CLEC16A: variants seen among roughly 807,000 people sequenced by gnomAD.
CLEC16A encodes the protein protein CLEC16A.
Under a neutral mutation model 109.5 loss-of-function variants are expected in CLEC16A, and 51 were observed. The ratio of observed to expected loss-of-function variants is 0.47; its 90% confidence interval spans 0.37 to 0.59. The LOEUF (loss-of-function observed/expected upper bound fraction) is 0.59. Among genes scored for constraint, CLEC16A ranks in the 20% least tolerant of loss-of-function variants. CLEC16A has a pLI of 0.00. For missense variants in CLEC16A, 1,339 were observed against 1,394.0 expected (o/e 0.96, Z 0.63); for synonymous variants, 673 against 564.2 (o/e 1.19, Z -2.73).
At chr16:10,964,543 CA>C (rs1360825942) in intron 3 of CLEC16A, among the ~76,000 whole-genome samples, 10 of 152,164 alleles carry the variant, frequency 6.6e-5, no homozygotes, top group African/African-American at 2.2e-4. Context: ...AGCAGGTGTT[CA>C]GAGCGAGGCA....
intron 3 of CLEC16A, among the ~76,000 whole-genome samples, chr16:10,963,398 G>A (rs988237486): frequency 1.3e-5 from 2 of 152,218 alleles, no homozygotes; most frequent in African/African-American, 4.8e-5. Flanking sequence ...TTGTTTCTGT[G>A]TGGTGGGTAC....
At chr16:11,097,467 A>G (rs972977426) in intron 19 of CLEC16A, among the ~76,000 whole-genome samples, 1 of 152,196 alleles carries the variant, frequency 6.6e-6, no homozygotes, top group African/African-American at 2.4e-5. Flanking sequence ...AAATATTTTT[A>G]AAAAGCTTAG....
chr16:11,024,769 G>A, intron 12 of CLEC16A, 52 bp from the exon 13 acceptor site: 1 of 1,381,294 alleles, frequency 7.2e-7, no homozygotes, highest in Non-Finnish European at 1.0e-6. Context: ...GAGAGGGGAG[G>A]TGTTCACCCT....
At chr16:11,016,168 C>A (rs971665961) in intron 11 of CLEC16A, among the ~76,000 whole-genome samples, 2 of 146,744 alleles carry the variant, frequency 1.4e-5, no homozygotes, top group Non-Finnish European at 3.0e-5. Flanking sequence ...AAAAGACCTA[C>A]TGCCTAGGGA....
In CLEC16A at chr16:11,098,331, C is replaced by T. The variant is rs576294690; in HGVS notation, c.2117-22284C>T. Reference sequence around the variant, plus strand: ...TGTACTGAGAATGCGTGCCTGTGCACGCCGAGGATGCAGAAAGGGACAGGG... The same window carrying T: ...TGTACTGAGAATGCGTGCCTGTGCATGCCGAGGATGCAGAAAGGGACAGGG... On this transcript the variant is annotated intron_variant, in intron 19 of 23. Transcript: ENST00000409790. Among the ~76,000 whole-genome samples the T allele has an allele frequency of 6.6e-5, 10 of 152,348 alleles. No individual in the cohort carries two copies. The East Asian group carries it at 1.5e-3, about 23-fold the overall frequency.
At chr16:11,169,909 C>A (rs1408595583) in intron 23 of CLEC16A, among the ~76,000 whole-genome samples, 2 of 152,142 alleles carry the variant, frequency 1.3e-5, no homozygotes, top group Non-Finnish European at 2.9e-5. Context: ...TGCTTATAGG[C>A]ACTTCACAGA....
rs890109932 is a variant in CLEC16A, at chr16:10,961,003, A to G, written c.210-1452A>G. Among the ~76,000 whole-genome samples the G allele has an allele frequency of 8.6e-5, 13 of 151,962 alleles. No individual in the cohort carries two copies. The highest frequency in any genetic ancestry group is 5.9e-4 in the Admixed American group (9 of 15,260). The stretch of plus-strand genomic sequence containing the variant: ...TTCCCAATGAATTGCCCACTCCCCT[A>G]TGGAGTTTTAAAAAATCTAGGTTCA... On this transcript the variant is annotated intron_variant, in intron 2 of 23. Coordinates refer to ENST00000409790, the MANE Select transcript of CLEC16A (RefSeq NM_015226.3). This position sits in a 1 kb window ranked among gnomAD's most constrained non-coding sequence, Gnocchi z 4.3.
intron 11 of CLEC16A, 86 bp from the exon 12 acceptor site, chr16:11,020,107 A>G (rs977936610): frequency 1.6e-5 from 23 of 1,455,274 alleles, no homozygotes; most frequent in African/African-American, 4.2e-5. Context: ...TCATTTATGC[A>G]TATTTATTCT....
At chr16:10,955,464 G>A (rs1163901429) in intron 1 of CLEC16A, among the ~76,000 whole-genome samples, 1 of 152,140 alleles carries the variant, frequency 6.6e-6, no homozygotes, top group Non-Finnish European at 1.5e-5. Context: ...AGGTGCCAGT[G>A]AGGAGGGAAC....
chr16:10,962,692 T>C lies in CLEC16A; in HGVS notation c.343+104T>C, dbSNP rs2042307699. ...GCGCTTACTATTCGTCGGCTCAGGCTATCCTAACAAAATACCATAGACTGA... is the reference window on the plus strand; with the variant it reads ...GCGCTTACTATTCGTCGGCTCAGGCCATCCTAACAAAATACCATAGACTGA... On this transcript the variant is annotated intron_variant, in intron 3 of 23. Coordinates refer to ENST00000409790, the MANE Select transcript of CLEC16A (RefSeq NM_015226.3). 12 of 1,250,154 alleles carry C rather than the reference T, an allele frequency of 9.6e-6. No homozygotes were observed. The East Asian group carries it at 2.8e-4, about 29-fold the overall frequency. 77.4% of individuals were successfully genotyped at this position (1,250,154 alleles called of 1,614,324 possible). A position where few individuals can be genotyped will look rare whatever the true frequency, so the allele number is the denominator to read the frequency against.
chr16:11,097,825 C>T (rs2050692294), intron 19 of CLEC16A, among the ~76,000 whole-genome samples: 2 of 152,212 alleles, frequency 1.3e-5, no homozygotes, highest in Non-Finnish European at 2.9e-5. Flanking sequence ...CTGTGAGTTC[C>T]TTGCATTATA....
intron 19 of CLEC16A, among the ~76,000 whole-genome samples, chr16:11,100,886 TC>T (rs2050875818): frequency 6.6e-6 from 1 of 152,230 alleles, no homozygotes; most frequent in Non-Finnish European, 1.5e-5. Context: ...AATATACCTT[TC>T]CATTGTGCTG....
At chr16:10,963,185 A>G (rs1393041461) in intron 3 of CLEC16A, among the ~76,000 whole-genome samples, 1 of 152,038 alleles carries the variant, frequency 6.6e-6, no homozygotes, top group African/African-American at 2.4e-5. Context: ...GTGTGAGTGG[A>G]GAGAAATTGA....
rs1038459870 is a variant in CLEC16A, at chr16:10,944,823, G to T, written c.80+26G>T. 7 of 1,578,438 alleles carry T rather than the reference G, an allele frequency of 4.4e-6. No homozygotes were observed. The Admixed American group carries it at 5.3e-5, about 12-fold the overall frequency. ...GTGAGTGTGGGGGGCGTAGCGGGAG[G>T]CCTCGGGGCTGGACAGGGGGACGGG... is the stretch of plus-strand genomic sequence containing the variant. On this transcript the variant is annotated intron_variant, in intron 1 of 23. Coordinates refer to ENST00000409790, the MANE Select transcript of CLEC16A (RefSeq NM_015226.3).
chr16:11,010,821 ATC>A (rs958818228), intron 11 of CLEC16A, among the ~76,000 whole-genome samples: 1 of 152,058 alleles, frequency 6.6e-6, no homozygotes, highest in Admixed American at 6.6e-5. Flanking sequence ...CATTTCCACG[ATC>A]TCTTTCTCTT....
chr16:11,138,149 A>C (rs1329627991), intron 22 of CLEC16A, among the ~76,000 whole-genome samples: 1 of 152,190 alleles, frequency 6.6e-6, no homozygotes, highest in African/African-American at 2.4e-5. Flanking sequence ...GACGAGGGTC[A>C]GGAAAAGGAA....
At chr16:11,128,114 C>T (rs78644169) in intron 22 of CLEC16A, among the ~76,000 whole-genome samples, 3,542 of 152,214 alleles carry the variant, frequency 0.023, 90 homozygotes, top group Middle Eastern at 0.16. Flanking sequence ...GTCATTGAGG[C>T]GTCTTTCAGT....
chr16:11,059,866 G>A (rs552487177), intron 18 of CLEC16A, among the ~76,000 whole-genome samples: 59 of 152,210 alleles, frequency 3.9e-4, no homozygotes, highest in Non-Finnish European at 1.0e-4. Flanking sequence ...CCAGCCTAGT[G>A]GAACTGGGAA....
At chr16:11,034,405 A>G (rs1244475504) in intron 13 of CLEC16A, among the ~76,000 whole-genome samples, 4 of 152,148 alleles carry the variant, frequency 2.6e-5, no homozygotes, top group Non-Finnish European at 5.9e-5. Flanking sequence ...ATTCTTATGC[A>G]TCTTTGGTCT....
Sources: allele counts gnomAD v4.1 joint callset (sites outside exome capture counted in the v4.1 genomes callset), GRCh38; gene constraint gnomAD v4.1.1; non-coding constraint Gnocchi (gnomAD v3.1); transcripts MANE v1.5; gene names NCBI Gene and HGNC (gene_info 2026-07-23, HGNC 2026-07-21).